Variants in INKA2 observed in about 807,000 individuals in gnomAD.
The protein encoded by INKA2 is PAK4-inhibitor INKA2.
INKA2 carries 3 observed loss-of-function variants against 9.8 expected under a neutral mutation model. The ratio of observed to expected loss-of-function variants is 0.31; its 90% confidence interval spans 0.14 to 0.79. INKA2 has a LOEUF of 0.79. INKA2 is among the 30% of genes least tolerant of loss of function. The pLI is 0.62. For missense variants in INKA2, 392 were observed against 384.4 expected (o/e 1.02, Z -0.17); for synonymous variants, 147 against 143.3 (o/e 1.03, Z -0.18).
In INKA2 at chr1:111,723,220, G is replaced by A; in HGVS notation, c.*3748C>T. The A allele has an allele frequency of 1.7e-6, 1 of 604,722 alleles. No individual in the cohort carries two copies. Among genetic ancestry groups the A allele is most frequent in the East Asian group, 2.9e-5 (1 of 34,068 alleles). The allele number at this position is 604,722 out of a possible 1,614,324, so 37.5% of individuals were successfully genotyped here. A position where few individuals can be genotyped will look rare whatever the true frequency, so the allele number is the denominator to read the frequency against. On this transcript the variant is annotated 3_prime_UTR_variant, in exon 2 of 2. Coordinates refer to ENST00000357260, the MANE Select transcript of INKA2 (RefSeq NM_019099.5). ...CGTAGGAAACGATGGTGTGACTTGGGAAAGATGGAGGAGCCTCTCCCCAAC... is the reference window on the plus strand; with the variant it reads ...CGTAGGAAACGATGGTGTGACTTGGAAAAGATGGAGGAGCCTCTCCCCAAC...
In INKA2 at chr1:111,727,813, G is replaced by A. The variant is rs749717911; in HGVS notation, c.58-9C>T. ...ACCTCCTTCATGGACATCTGCAGGG[G>A]AGAGAGAAAGCATGGGGCCTATGAG... On this transcript the variant is annotated splice_polypyrimidine_tract_variant and intron_variant, in intron 1 of 1. Coordinates refer to ENST00000357260, the MANE Select transcript of INKA2 (RefSeq NM_019099.5). 3.1e-6 allele frequency: 5 copies of A among 1,601,526 alleles called. No individual in the cohort carries two copies. The highest frequency in any genetic ancestry group is 4.2e-6 in the Non-Finnish European group (5 of 1,179,642).
At chr1:111,732,770 GTCAAACT>G (rs981630034) in intron 1 of INKA2, among the ~76,000 whole-genome samples, 11 of 152,104 alleles carry the variant, frequency 7.2e-5, no homozygotes, top group African/African-American at 2.4e-4. Flanking sequence ...AAGTCTGCAT[GTCAAACT>G]TCAGTCTCCA....
At chr1:111,749,437 TGTGTGTGTGCGC>T (rs77999941) in intron 1 of INKA2, among the ~76,000 whole-genome samples, 1 of 146,574 alleles carries the variant, frequency 6.8e-6, no homozygotes, top group East Asian at 1.9e-4. Context: ...TGTGTGTGTG[TGTGTGTGTGCGC>T]GCGCGCGCGT....
At chr1:111,749,183 A>G (rs1254081300) in intron 1 of INKA2, among the ~76,000 whole-genome samples, 1 of 152,204 alleles carries the variant, frequency 6.6e-6, no homozygotes, top group Non-Finnish European at 1.5e-5. Flanking sequence ...GAAGTAAGAT[A>G]GCTGCATGCT....
At chr1:111,735,370 T>C (rs1026168999) in intron 1 of INKA2, among the ~76,000 whole-genome samples, 2 of 152,210 alleles carry the variant, frequency 1.3e-5, no homozygotes, top group Non-Finnish European at 1.5e-5. Flanking sequence ...CACTGTGCTA[T>C]GTGTGAAAGA....
chr1:111,739,413 C>G (rs948014487), upstream of INKA2: 1 of 1,467,412 alleles, frequency 6.8e-7, no homozygotes, highest in Non-Finnish European at 9.0e-7. Flanking sequence ...CAGCGGCTAG[C>G]CGCGCGCGGT....
chr1:111,739,345 G>A lies in INKA2; in HGVS notation c.-103C>T. 3 of 1,562,686 alleles carry A rather than the reference G, an allele frequency of 1.9e-6. No individual in the cohort carries two copies. The highest frequency in any genetic ancestry group is 1.2e-5 in the South Asian group (1 of 86,386). On this transcript the variant is annotated 5_prime_UTR_variant, in exon 1 of 2. Coordinates refer to ENST00000357260, the MANE Select transcript of INKA2 (RefSeq NM_019099.5). Reference sequence around the variant, plus strand: ...CCGGCTCCCCGCCCCTGCGCCCGTAGCGCTCGCAGCGCGGAGCTGAGCCTG... The same window carrying A: ...CCGGCTCCCCGCCCCTGCGCCCGTAACGCTCGCAGCGCGGAGCTGAGCCTG...
chr1:111,751,091 G>A (rs1663399032), intron 1 of INKA2, among the ~76,000 whole-genome samples: 1 of 152,164 alleles, frequency 6.6e-6, no homozygotes, highest in Non-Finnish European at 1.5e-5. Context: ...CAGGGTATCA[G>A]CCCCCACTGC....
At chr1:111,734,220 TA>T (rs1186399388) in intron 1 of INKA2, among the ~76,000 whole-genome samples, 1 of 151,628 alleles carries the variant, frequency 6.6e-6, no homozygotes, top group African/African-American at 2.4e-5. Context: ...CACAACCATC[TA>T]TGGGGGTCTG....
chr1:111,728,612 C>T (rs1662842024), intron 1 of INKA2, among the ~76,000 whole-genome samples: 1 of 152,132 alleles, frequency 6.6e-6, no homozygotes, highest in African/African-American at 2.4e-5. Context: ...CTACCCTGAC[C>T]TCATGTGACA....
chr1:111,754,607 C>T, intron 1 of INKA2: 1 of 152,268 alleles, frequency 6.6e-6, no homozygotes, highest in East Asian at 1.9e-4. Flanking sequence ...AAGCAATCCT[C>T]CCGCCTCAGC....
At chr1:111,734,858 A>C (rs928988294) in intron 1 of INKA2, among the ~76,000 whole-genome samples, 1 of 152,138 alleles carries the variant, frequency 6.6e-6, no homozygotes, top group Non-Finnish European at 1.5e-5. Context: ...CCTCTCTCAG[A>C]GCACTGAACC....
intron 1 of INKA2, among the ~76,000 whole-genome samples, chr1:111,748,129 C>G (rs197376): frequency 6.6e-6 from 1 of 152,126 alleles, no homozygotes; most frequent in Non-Finnish European, 1.5e-5. Flanking sequence ...CATGTGCTTG[C>G]AGGTGGGCTG....
intron 1 of INKA2, among the ~76,000 whole-genome samples, chr1:111,731,270 G>A (rs1374820766): frequency 6.6e-6 from 1 of 152,110 alleles, no homozygotes; most frequent in Non-Finnish European, 1.5e-5. Context: ...TGGAGACAAT[G>A]GAACAAAGTT....
chr1:111,726,969 C>T lies in INKA2; in HGVS notation c.893G>A (p.Ter298=), dbSNP rs1217880943. Residue 298 remains the stop codon, a stop_retained_variant, in exon 2 of 2, where the codon TGA becomes TAA. Coordinates refer to ENST00000357260, the MANE Select transcript of INKA2 (RefSeq NM_019099.5). ...CAGTCAACTTTCTGTCTCTAGGATT[C>T]AGACCCAAACAGCTGTGTTAATATC... The part of the protein sequence containing the change: ...GFDINTAVWV[*] 6.2e-7 allele frequency: 1 copy of T among 1,611,996 alleles called. No homozygotes were observed. Among genetic ancestry groups the T allele is most frequent in the South Asian group, 1.1e-5 (1 of 90,810 alleles).
chr1:111,739,469 A>AG, upstream of INKA2: 2 of 1,392,866 alleles, frequency 1.4e-6, no homozygotes, highest in East Asian at 2.7e-5. Flanking sequence ...ATGAGAATTC[A>AG]GGGGGGCTGT....
chr1:111,730,681 C>T (rs1662885810), intron 1 of INKA2, among the ~76,000 whole-genome samples: 1 of 152,224 alleles, frequency 6.6e-6, no homozygotes. Context: ...ATATACTCTT[C>T]CCTGTAGTCC....
upstream of INKA2, among the ~76,000 whole-genome samples, chr1:111,741,376 A>G (rs1287654844): frequency 6.6e-6 from 1 of 152,244 alleles, no homozygotes; most frequent in South Asian, 2.1e-4. Context: ...CAGTCTGAGC[A>G]GTATTGGCCC....
chr1:111,727,768 G>C lies in INKA2; in HGVS notation c.94C>G (p.Gln32Glu). Reference protein sequence around the residue: ...MKEVGDGLQDQMNCMMGALQE... With the variant: ...MKEVGDGLQDEMNCMMGALQE... ...AGTGCACCCATCATGCAGTTCATCT[G>C]ATCCTGTAAGCCATCACCCACCTCC... Residue 32 changes from glutamine to glutamate, a missense_variant, in exon 2 of 2, where the codon CAG (glutamine) becomes GAG (glutamate). Coordinates refer to ENST00000357260, the MANE Select transcript of INKA2 (RefSeq NM_019099.5). The C allele has an allele frequency of 6.2e-7, 1 of 1,610,320 alleles. No individual in the cohort carries two copies. The highest frequency in any genetic ancestry group is 1.1e-5 in the South Asian group (1 of 91,084).
Sources: gnomAD v4.1 joint callset for allele counts (sites outside exome capture counted in the v4.1 genomes callset) on GRCh38, gnomAD v4.1.1 for gene constraint, MANE v1.5 for transcripts, NCBI Gene and HGNC (gene_info 2026-07-23, HGNC 2026-07-21) for gene names.